Variants in ZNF69 observed in about 807,000 individuals in gnomAD.
ZNF69 encodes the protein ZNF3.
ZNF69 carries 47 observed loss-of-function variants against 50.9 expected under a neutral mutation model. The observed-to-expected ratio is 0.92, with a 90% CI of 0.73 to 1.18. ZNF69 has a LOEUF of 1.18. Among genes scored for constraint, ZNF69 ranks in the 50% most tolerant of loss-of-function variants. ZNF69 has a pLI of 0.00. For synonymous variants in ZNF69, 216 were observed against 223.1 expected (o/e 0.97, Z 0.29); for missense variants, 717 against 675.1 (o/e 1.06, Z -0.69).
chr19:11,958,938 A>G, the ZNF69 span, among the ~76,000 whole-genome samples: 1 of 152,186 alleles, frequency 6.6e-6, no homozygotes, highest in Non-Finnish European at 1.5e-5. Context: ...GCTAGAGTGC[A>G]GTGGCGTGAT....
chr19:11,978,516 G>T, the ZNF69 span: 93 of 1,614,200 alleles, frequency 5.8e-5, no homozygotes, highest in South Asian at 9.9e-4. Context: ...CAGTGGGGAT[G>T]GACCTTATAA....
In ZNF69 at chr19:11,906,432, G is replaced by A. The variant is rs572490024; in HGVS notation, c.*334G>A. ...AACTGGGAGGCACTTCCCAGTAGGGGCCAACTGACACCTCATACGGCCGTG... is the reference window on the plus strand; with the variant it reads ...AACTGGGAGGCACTTCCCAGTAGGGACCAACTGACACCTCATACGGCCGTG... On this transcript the variant is annotated 3_prime_UTR_variant, in exon 4 of 4. Transcript: ENST00000429654. 5.9e-5 allele frequency among the ~76,000 whole-genome samples: 9 copies of A among 152,194 alleles called. No individual in the cohort carries two copies. Among genetic ancestry groups the A allele is most frequent in the Non-Finnish European group, 1.0e-4 (7 of 68,032 alleles).
In ZNF69 at chr19:11,906,119, C is replaced by T. The variant is rs954815426; in HGVS notation, c.*21C>T. The T allele has an allele frequency of 1.9e-6, 3 of 1,604,908 alleles. No individual in the cohort carries two copies. Among genetic ancestry groups the T allele is most frequent in the Non-Finnish European group, 2.5e-6 (3 of 1,177,312 alleles). On this transcript the variant is annotated 3_prime_UTR_variant, in exon 4 of 4. Transcript: ENST00000429654. ...AATGAGGGAAAGCCTTCAGATCTGC[C>T]TCACACCTTTGAATGCATGGTAGGA...
At chr19:11,976,926 CCAAAG>C in the ZNF69 span, 7 of 1,552,590 alleles carry the variant, frequency 4.5e-6, no homozygotes, top group Non-Finnish European at 6.1e-6. Context: ...GATGTGATGA[CCAAAG>C]CAGGGAATAA....
chr19:11,977,345 A>T, the ZNF69 span: 1 of 1,612,886 alleles, frequency 6.2e-7, no homozygotes, highest in Non-Finnish European at 8.5e-7. Flanking sequence ...TTGCTTCAGG[A>T]CTACTTTTCT....
chr19:11,974,094 TTTC>T, the ZNF69 span, among the ~76,000 whole-genome samples: 8 of 90,844 alleles, frequency 8.8e-5, no homozygotes, highest in African/African-American at 3.5e-4. Context: ...TCTTTCTTTC[TTTC>T]TTTCTTTCTT....
the ZNF69 span, chr19:11,950,567 C>A: frequency 1.8e-6 from 1 of 551,556 alleles, no homozygotes; most frequent in Non-Finnish European, 3.4e-6. Flanking sequence ...TCAGATGTGC[C>A]TCGCACCTTC....
chr19:11,977,587 G>A, the ZNF69 span, among the ~76,000 whole-genome samples: 3 of 152,194 alleles, frequency 2.0e-5, no homozygotes, highest in South Asian at 2.1e-4. Context: ...GACTAAGTCT[G>A]AGGGCTCACT....
chr19:11,953,494 C>T, the ZNF69 span: 1 of 152,194 alleles, frequency 6.6e-6, no homozygotes, highest in Non-Finnish European at 1.5e-5. Context: ...TGCTTTTCTG[C>T]ATCTGGTTAG....
At chr19:11,932,250 G>A in the ZNF69 span, among the ~76,000 whole-genome samples, 28 of 148,322 alleles carry the variant, frequency 1.9e-4, 1 homozygote, top group African/African-American at 7.1e-4. Flanking sequence ...AGACTGAGGT[G>A]GAAGGATCTG....
chr19:11,977,522 A>G, the ZNF69 span: 1,727 of 1,451,976 alleles, frequency 1.2e-3, 20 homozygotes, highest in African/African-American at 0.023. Flanking sequence ...AACTAAGTCC[A>G]GTATCAAATT....
At chr19:11,965,234 C>T in the ZNF69 span, 4 of 1,613,906 alleles carry the variant, frequency 2.5e-6, no homozygotes, top group Admixed American at 3.3e-5. Context: ...AGCCGGTTGT[C>T]CCGAGACGGG....
downstream of ZNF69, among the ~76,000 whole-genome samples, chr19:11,915,104 T>C (rs1229604972): frequency 1.3e-5 from 2 of 152,138 alleles, no homozygotes; most frequent in African/African-American, 2.4e-5. Flanking sequence ...ATCAGGATGC[T>C]GAGGCAGGAG....
chr19:11,964,786 C>A, the ZNF69 span, among the ~76,000 whole-genome samples: 1 of 152,194 alleles, frequency 6.6e-6, no homozygotes, highest in African/African-American at 2.4e-5. Flanking sequence ...GTGAGGAAGA[C>A]GCTAGTGTTC....
the ZNF69 span, chr19:11,979,052 A>G: frequency 4.0e-5 from 64 of 1,614,140 alleles, no homozygotes; most frequent in Non-Finnish European, 4.9e-5. Context: ...GTGGGAAAGC[A>G]TTATCTTATA....
chr19:11,891,212 A>G (rs1977077697), intron 1 of ZNF69, among the ~76,000 whole-genome samples: 1 of 151,932 alleles, frequency 6.6e-6, no homozygotes. Flanking sequence ...GATCACTTCT[A>G]GTCAGCAGTT....
chr19:11,918,978 C>T (rs2145261075), downstream of ZNF69, among the ~76,000 whole-genome samples: 1 of 152,004 alleles, frequency 6.6e-6, no homozygotes, highest in South Asian at 2.1e-4. Flanking sequence ...TCACTGCAAC[C>T]TCCGCCTCCC....
At chr19:11,927,931 T>C in the ZNF69 span, among the ~76,000 whole-genome samples, 1 of 152,122 alleles carries the variant, frequency 6.6e-6, no homozygotes, top group Non-Finnish European at 1.5e-5. Context: ...CTAACACTTG[T>C]ATAGGCAAAA....
chr19:11,956,294 A>T, the ZNF69 span, among the ~76,000 whole-genome samples: 1 of 152,094 alleles, frequency 6.6e-6, no homozygotes, highest in Non-Finnish European at 1.5e-5. Flanking sequence ...CAAGGAAGAG[A>T]GTTAATCTTT....
Sources: allele counts gnomAD v4.1 joint callset (sites outside exome capture counted in the v4.1 genomes callset), GRCh38; gene constraint gnomAD v4.1.1; transcripts MANE v1.5; gene names NCBI Gene and HGNC (gene_info 2026-07-23, HGNC 2026-07-21).